ARSJ: variants seen among roughly 807,000 people sequenced by gnomAD.
ARSJ encodes the protein arylsulfatase family member J.
In ARSJ, 26 loss-of-function variants were observed where a neutral mutation model predicts 35.9. The ratio of observed to expected loss-of-function variants is 0.72; its 90% CI spans 0.53 to 1.00. ARSJ has a LOEUF of 1.00. ARSJ is among the 50% of genes least tolerant of loss of function. ARSJ has a pLI of 0.00. For missense variants in ARSJ, 667 were observed against 723.6 expected, an observed-to-expected ratio of 0.92 and a Z score of 0.90; for synonymous variants, 294 against 267.6, an observed-to-expected ratio of 1.10 and a Z score of -0.96.
chr4:113,936,155 T>C (rs1412173863), intron 1 of ARSJ, among the ~76,000 whole-genome samples: 1 of 151,922 alleles, frequency 6.6e-6, no homozygotes, highest in Non-Finnish European at 1.5e-5. Flanking sequence ...TATTGTACAG[T>C]GCCCGATGCA....
chr4:113,930,664 C>T (rs1351011379), intron 1 of ARSJ, among the ~76,000 whole-genome samples: 2 of 151,870 alleles, frequency 1.3e-5, no homozygotes, highest in East Asian at 3.9e-4. Context: ...ACCCGGCCAT[C>T]CCATTACTGG....
At chr4:113,939,802 T>C (rs1725025526) in intron 1 of ARSJ, among the ~76,000 whole-genome samples, 1 of 151,982 alleles carries the variant, frequency 6.6e-6, no homozygotes, top group Admixed American at 6.6e-5. Context: ...TTTGAGTTCA[T>C]TGTAGATTCT....
rs77539133 is a variant in ARSJ at position 113,968,110 on chromosome 4, C to T, written c.398+10327G>A. The stretch of plus-strand genomic sequence containing the variant: ...TCTATGTGGCAGGCTCTGTTCTAAA[C>T]GCTTTAGGTACACAATTCTACTTAA... On this transcript the variant is annotated intron_variant, in intron 1 of 1. Transcript: ENST00000315366. Among the ~76,000 whole-genome samples the T allele has an allele frequency of 0.013, 2,053 of 152,136 alleles. 115 individuals are homozygous for T. In the East Asian group the frequency reaches 0.16, roughly 12 times the overall value.
intron 1 of ARSJ, among the ~76,000 whole-genome samples, chr4:113,957,594 C>G (rs1224750977): frequency 6.6e-6 from 1 of 152,016 alleles, no homozygotes; most frequent in Non-Finnish European, 1.5e-5. Context: ...ACTCTGAGCT[C>G]TCTCTCTACT....
At chr4:113,954,354 A>G (rs571687128) in intron 1 of ARSJ, among the ~76,000 whole-genome samples, 6 of 152,196 alleles carry the variant, frequency 3.9e-5, no homozygotes, top group Admixed American at 3.3e-4. Context: ...AATATGAAAT[A>G]GAAAACAACT....
At chr4:113,926,138 C>T (rs908693928) in intron 1 of ARSJ, among the ~76,000 whole-genome samples, 5 of 152,168 alleles carry the variant, frequency 3.3e-5, no homozygotes, top group African/African-American at 1.2e-4. Flanking sequence ...TGAGCACTCA[C>T]ATGGGATACA....
chr4:113,937,844 A>T (rs1243051549), intron 1 of ARSJ, among the ~76,000 whole-genome samples: 1 of 152,046 alleles, frequency 6.6e-6, no homozygotes, highest in Non-Finnish European at 1.5e-5. Context: ...GAAGGGAAGG[A>T]CCTCTTCAAG....
intron 1 of ARSJ, chr4:113,970,767 C>G (rs35727010): frequency 0.32 from 48,690 of 151,954 alleles, 7,917 homozygotes; most frequent in Admixed American, 0.36. Flanking sequence ...CCAGCTTGGA[C>G]AACATGGCAA....
intron 1 of ARSJ, among the ~76,000 whole-genome samples, chr4:113,907,675 C>A (rs2099669175): frequency 6.6e-6 from 1 of 151,916 alleles, no homozygotes; most frequent in Non-Finnish European, 1.5e-5. Context: ...ACAGCAAGAC[C>A]TGGAATCAAC....
At chr4:113,911,255 A>T (rs1249002228) in intron 1 of ARSJ, among the ~76,000 whole-genome samples, 2 of 152,194 alleles carry the variant, frequency 1.3e-5, no homozygotes, top group African/African-American at 4.8e-5. Context: ...TGACTAGTCT[A>T]TAGAGGTAAG....
At chr4:113,931,407 CAGA>C (rs1178965698) in intron 1 of ARSJ, among the ~76,000 whole-genome samples, 1 of 151,992 alleles carries the variant, frequency 6.6e-6, no homozygotes, top group African/African-American at 2.4e-5. Context: ...ATAAAGGGTA[CAGA>C]AGAAGGAGGT....
intron 1 of ARSJ, among the ~76,000 whole-genome samples, chr4:113,958,485 C>T (rs1173736044): frequency 6.6e-6 from 1 of 152,034 alleles, no homozygotes; most frequent in African/African-American, 2.4e-5. Context: ...TTTCTATTTG[C>T]ACTATGTTCT....
In ARSJ at chr4:113,978,622, A is replaced by C. The variant is rs200499922; in HGVS notation, c.213T>G (p.Thr71=). ...AAATGAGATGGGGCTGGGAGGTGGA[A>C]GTTGTGCTGGGCTCTAGTTTCTCTC... ...QAGEKLEPST[T]STSQPHLIFI... Residue 71 remains threonine (T), a synonymous_variant, in exon 1 of 2, where the codon ACT becomes ACG. Coordinates refer to ENST00000315366, the MANE Select transcript of ARSJ (RefSeq NM_024590.4). 6.2e-7 allele frequency: 1 copy of C among 1,614,040 alleles called. No individual in the cohort carries two copies. Among genetic ancestry groups the C allele is most frequent in the African/African-American group, 1.3e-5 (1 of 74,942 alleles).
At chr4:113,943,541 C>A (rs886140616) in intron 1 of ARSJ, 1 of 152,000 alleles carries the variant, frequency 6.6e-6, no homozygotes, top group African/African-American at 2.4e-5. Context: ...TCACTTCCCA[C>A]AGGAGGAGCC....
At chr4:113,931,699 T>G (rs1320154451) in intron 1 of ARSJ, among the ~76,000 whole-genome samples, 4 of 152,136 alleles carry the variant, frequency 2.6e-5, no homozygotes, top group South Asian at 2.1e-4. Context: ...TCAGGGTATT[T>G]GCAAGAAAAA....
chr4:113,927,745 C>T (rs1724164260), intron 1 of ARSJ, among the ~76,000 whole-genome samples: 1 of 152,154 alleles, frequency 6.6e-6, no homozygotes, highest in Admixed American at 6.5e-5. Flanking sequence ...TCTCCAAGAT[C>T]CATCTGTCTT....
intron 1 of ARSJ, among the ~76,000 whole-genome samples, chr4:113,945,291 C>T (rs1439956832): frequency 1.3e-5 from 2 of 152,050 alleles, no homozygotes; most frequent in Non-Finnish European, 2.9e-5. Context: ...TGTGCCATCA[C>T]ACCCAGCTAA....
At chr4:113,922,461 T>A (rs914886236) in intron 1 of ARSJ, among the ~76,000 whole-genome samples, 3 of 152,162 alleles carry the variant, frequency 2.0e-5, no homozygotes, top group African/African-American at 7.2e-5. Flanking sequence ...ATCAGCTCTA[T>A]TGCTATGCAA....
Position 113,900,508 on chromosome 4 carries a change from A to G in ARSJ, c.*1766T>C, listed in dbSNP as rs1290294018. On this transcript the variant is annotated 3_prime_UTR_variant, in exon 2 of 2. Transcript: ENST00000315366. ...ATTTTCAGAAACTGTGAGCTGTGATATAAATGGATTATATCACAGTCCTTT... is the reference window on the plus strand; with the variant it reads ...ATTTTCAGAAACTGTGAGCTGTGATGTAAATGGATTATATCACAGTCCTTT... The G allele has an allele frequency of 1.3e-5, 2 of 152,168 alleles. No homozygotes were observed. Among genetic ancestry groups the G allele is most frequent in the Non-Finnish European group, 2.9e-5 (2 of 68,020 alleles). 9.4% of individuals were successfully genotyped at this position (152,168 alleles called of 1,614,324 possible). A position where few individuals can be genotyped will look rare whatever the true frequency, so the allele number is the denominator to read the frequency against.
Sources: gnomAD v4.1 joint callset for allele counts (sites outside exome capture counted in the v4.1 genomes callset) on GRCh38, gnomAD v4.1.1 for gene constraint, MANE v1.5 for transcripts, NCBI Gene and HGNC (gene_info 2026-07-23, HGNC 2026-07-21) for gene names.